MAP3K5: variants seen among roughly 807,000 people sequenced by gnomAD.
The protein encoded by MAP3K5 is ASK-1.
A neutral mutation model predicts 158.7 loss-of-function variants in MAP3K5; 56 were observed. The ratio of observed to expected loss-of-function variants is 0.35; its 90% CI spans 0.28 to 0.44. The LOEUF is 0.44. Among genes scored for constraint, MAP3K5 ranks in the 20% least tolerant of loss-of-function variants. MAP3K5 has a pLI of 1.00. For missense variants in MAP3K5, 1,294 were observed against 1,674.8 expected (o/e 0.77, Z 3.97); for synonymous variants, 579 against 601.7 (o/e 0.96, Z 0.55).
At chr6:136,674,159 C>A (rs1779604356) in intron 7 of MAP3K5, among the ~76,000 whole-genome samples, 1 of 151,118 alleles carries the variant, frequency 6.6e-6, no homozygotes. Flanking sequence ...TATTTTCAGA[C>A]AAAAACTGGG....
chr6:136,647,616 C>T (rs1778324222), intron 11 of MAP3K5, among the ~76,000 whole-genome samples: 1 of 152,144 alleles, frequency 6.6e-6, no homozygotes, highest in Non-Finnish European at 1.5e-5. Context: ...CCAATCATAT[C>T]TCCCACCTCC....
At chr6:136,668,451 C>T (rs759943757) in intron 8 of MAP3K5, among the ~76,000 whole-genome samples, 25 of 151,884 alleles carry the variant, frequency 1.6e-4, no homozygotes, top group African/African-American at 4.6e-4. Flanking sequence ...CTAAGATGAA[C>T]GTGTTATTTT....
intron 1 of MAP3K5, among the ~76,000 whole-genome samples, chr6:136,723,832 T>TC (rs1562646508): frequency 6.6e-6 from 1 of 152,018 alleles, no homozygotes; most frequent in Non-Finnish European, 1.5e-5. Context: ...AAGTTTTTTT[T>TC]CCCCCCTCAA....
chr6:136,596,619 C>T (rs1169801304), intron 21 of MAP3K5, among the ~76,000 whole-genome samples: 3 of 152,136 alleles, frequency 2.0e-5, no homozygotes, highest in Admixed American at 6.5e-5. Flanking sequence ...CTGGAGGAGT[C>T]ACGGGGGCTC....
At chr6:136,643,159 A>T (rs544880472) in intron 11 of MAP3K5, among the ~76,000 whole-genome samples, 1 of 152,352 alleles carries the variant, frequency 6.6e-6, no homozygotes, top group African/African-American at 2.4e-5. Flanking sequence ...TGAACATCAA[A>T]AATTTGATTG....
chr6:136,567,909 AAT>A (rs760653725), intron 25 of MAP3K5, 35 bp from the exon 26 acceptor site: 3 of 1,598,508 alleles, frequency 1.9e-6, no homozygotes, highest in Admixed American at 3.4e-5. Context: ...GTGTTTATAA[AAT>A]ATGACTCATT....
At chr6:136,590,811 A>C (rs964164416) in intron 23 of MAP3K5, among the ~76,000 whole-genome samples, 76 of 152,224 alleles carry the variant, frequency 5.0e-4, no homozygotes, top group Non-Finnish European at 9.9e-4. Flanking sequence ...AAGTGCTGGG[A>C]TTACAGGCAT....
At chr6:136,558,704 C>T in intron 29 of MAP3K5, 96 bp downstream of exon 29, 1 of 782,240 alleles carries the variant, frequency 1.3e-6, no homozygotes, top group Non-Finnish European at 2.2e-6. Flanking sequence ...TCCAGAACTA[C>T]AAAGCTAATT....
intron 12 of MAP3K5, 67 bp from the exon 13 acceptor site, chr6:136,639,705 A>G (rs1777828706): frequency 1.3e-6 from 1 of 744,460 alleles, no homozygotes; most frequent in Non-Finnish European, 2.2e-6. Flanking sequence ...CTATGATGAA[A>G]AAGAAATGTT....
intron 20 of MAP3K5, 55 bp downstream of exon 20, chr6:136,601,747 T>C: frequency 3.3e-6 from 5 of 1,536,900 alleles, no homozygotes; most frequent in Non-Finnish European, 4.4e-6. Flanking sequence ...TCTTCCATCT[T>C]AAAAGCTTAG....
At chr6:136,630,534 C>A (rs1277585519) in intron 14 of MAP3K5, among the ~76,000 whole-genome samples, 5 of 152,204 alleles carry the variant, frequency 3.3e-5, no homozygotes, top group Admixed American at 3.3e-4. Context: ...AAAACCTTAT[C>A]TAAATTTCTT....
At position 136,698,624 on chromosome 6, in the gene MAP3K5, T is replaced by C. The variant is rs773950489; in HGVS notation, c.671A>G (p.Tyr224Cys). ...CTTCATGAAGCTGCTGTCACAGCAG[T>C]AGACTTTGTTATGTGGAGTTATCAT... The part of the protein sequence containing the change: ...PYMITPHNKV[Y>C]CCDSSFMKGL... Residue 224 changes from tyrosine (Y) to cysteine (C), a missense_variant, in exon 4 of 30, where the codon TAC (tyrosine) becomes TGC (cysteine). Physicochemically the swap from Tyr to Cys is radical, Grantham distance 194. This residue lies in a region of MAP3K5 where 690 missense variants were observed against 870.5 expected (regional missense o/e 0.79). Coordinates refer to ENST00000359015, the MANE Select transcript of MAP3K5 (RefSeq NM_005923.4). 4 of 1,613,978 alleles carry C rather than the reference T, an allele frequency of 2.5e-6. No individual in the cohort carries two copies. The highest frequency in any genetic ancestry group is 8.5e-7 in the Non-Finnish European group (1 of 1,179,938).
chr6:136,656,556 G>T, intron 9 of MAP3K5, 96 bp from the exon 10 acceptor site: 4 of 719,750 alleles, frequency 5.6e-6, no homozygotes, highest in Non-Finnish European at 4.6e-6. Flanking sequence ...ATTTATACAT[G>T]ACATTAATAG....
intron 19 of MAP3K5, among the ~76,000 whole-genome samples, chr6:136,602,363 T>C (rs1340895025): frequency 1.3e-5 from 2 of 152,140 alleles, no homozygotes; most frequent in Admixed American, 1.3e-4. Flanking sequence ...TGCAGAGTGG[T>C]GCAATCTCAG....
At chr6:136,739,736 C>A (rs552316832) in intron 1 of MAP3K5, among the ~76,000 whole-genome samples, 1 of 152,102 alleles carries the variant, frequency 6.6e-6, no homozygotes, top group South Asian at 2.1e-4. Flanking sequence ...TGGCAAGCCC[C>A]GTAGAAGGTG....
chr6:136,565,409 A>G (rs1243739373), intron 26 of MAP3K5, among the ~76,000 whole-genome samples: 1 of 152,150 alleles, frequency 6.6e-6, no homozygotes, highest in Non-Finnish European at 1.5e-5. Context: ...AATTAAATAA[A>G]CAGGCAGCTC....
intron 11 of MAP3K5, 67 bp from the exon 12 acceptor site, chr6:136,642,636 G>T (rs959577279): frequency 2.6e-6 from 3 of 1,139,962 alleles, no homozygotes; most frequent in South Asian, 1.3e-5. Flanking sequence ...CAATAATTTT[G>T]TTTAATTATT....
chr6:136,734,492 C>T (rs1160114139), intron 1 of MAP3K5, among the ~76,000 whole-genome samples: 1 of 150,886 alleles, frequency 6.6e-6, no homozygotes, highest in Non-Finnish European at 1.5e-5. Context: ...TCTGTATCGC[C>T]ACGGCAAACT....
intron 14 of MAP3K5, among the ~76,000 whole-genome samples, chr6:136,631,516 TTTC>T (rs1181827999): frequency 1.3e-5 from 2 of 151,954 alleles, no homozygotes; most frequent in African/African-American, 4.8e-5. Flanking sequence ...CACTTTTTTT[TTTC>T]TTTTTTTTTT....
Sources: allele counts gnomAD v4.1 joint callset (sites outside exome capture counted in the v4.1 genomes callset), GRCh38; gene constraint gnomAD v4.1.1; regional missense constraint gnomAD v4.1.1; transcripts MANE v1.5; gene names NCBI Gene and HGNC (gene_info 2026-07-23, HGNC 2026-07-21).